Variants in ZNF462 observed in about 807,000 individuals in gnomAD.
The protein encoded by ZNF462 is zinc finger protein 462.
A neutral mutation model predicts 201.9 loss-of-function variants in ZNF462; 10 were observed. The ratio of observed to expected loss-of-function variants is 0.05; its 90% CI spans 0.03 to 0.08. ZNF462 has a LOEUF of 0.08. Among genes scored for constraint, ZNF462 ranks in the 10% least tolerant of loss-of-function variants. The pLI is 1.00. For missense variants in ZNF462, 2,523 were observed against 3,168.3 expected, an observed-to-expected ratio of 0.80 and a Z score of 4.89; for synonymous variants, 1,227 against 1,193.3, an observed-to-expected ratio of 1.03 and a Z score of -0.58.
Position 106,966,180 on chromosome 9 carries a change from T to C in ZNF462, c.6428-5825T>C, listed in dbSNP as rs574811964. Among the ~76,000 whole-genome samples, 44 of 152,110 alleles carry C rather than the reference T, an allele frequency of 2.9e-4. No homozygotes were observed. Among genetic ancestry groups the C allele is most frequent in the Non-Finnish European group, 5.4e-4 (37 of 67,992 alleles). On this transcript the variant is annotated intron_variant, in intron 7 of 12. Coordinates refer to ENST00000277225, the MANE Select transcript of ZNF462 (RefSeq NM_021224.6). This position sits in a 1 kb window ranked among gnomAD's most constrained non-coding sequence, Gnocchi z 4.4. ...TTACAATCCATGTATTATTTTGAAC[T>C]TCCTATGCTATTTTAGAACTTGGCG...
chr9:106,949,273 C>A (rs2131744121), intron 7 of ZNF462, among the ~76,000 whole-genome samples: 1 of 152,300 alleles, frequency 6.6e-6, no homozygotes, highest in East Asian at 1.9e-4. Context: ...ATTTCCTATT[C>A]ATTTCTAGAG....
chr9:106,862,425 G>A (rs1827096702), upstream of ZNF462, among the ~76,000 whole-genome samples: 1 of 152,106 alleles, frequency 6.6e-6, no homozygotes, highest in Non-Finnish European at 1.5e-5. The surrounding 1 kb of genome is among the most constrained non-coding windows in gnomAD (Gnocchi z 4.2). Flanking sequence ...AGGGCTGCCG[G>A]GCGCCACCGG....
chr9:106,973,806 TA>T (rs1826775931), intron 8 of ZNF462, among the ~76,000 whole-genome samples: 1 of 152,058 alleles, frequency 6.6e-6, no homozygotes, highest in Admixed American at 6.6e-5. Flanking sequence ...TGATGAAAAA[TA>T]GTTCCTTTTT....
In ZNF462 at chr9:106,945,835, CT is replaced by C. The variant is rs1436401803; in HGVS notation, c.6427+6729del. Among the ~76,000 whole-genome samples, 11 of 152,284 alleles carry C rather than the reference CT, an allele frequency of 7.2e-5. No homozygotes were observed. The East Asian group carries it at 2.1e-3, about 29-fold the overall frequency. On this transcript the variant is annotated intron_variant, in intron 7 of 12. Transcript: ENST00000277225. The stretch of plus-strand genomic sequence containing the variant: ...AAGACCCCGAATCTTCTGTTATTAC[CT>C]GGAAATCTACAGGGATTAAATGTTA...
upstream of ZNF462, among the ~76,000 whole-genome samples, chr9:106,861,494 A>G (rs938163510): frequency 1.3e-5 from 2 of 152,176 alleles, no homozygotes; most frequent in South Asian, 2.1e-4. Context: ...AACATCCCCA[A>G]TTCAGACGCG....
At position 106,933,646 on chromosome 9, in the gene ZNF462, AC is replaced by A. The variant is rs954792853; in HGVS notation, c.6116+1098del. On this transcript the variant is annotated intron_variant, in intron 5 of 12. Transcript: ENST00000277225. This position sits in a 1 kb window ranked among gnomAD's most constrained non-coding sequence, Gnocchi z 4.3. Reference sequence around the variant, plus strand: ...GGTTGGTTTATGAAATTAAAAAAAAACAAAACAAAACCCACTGACTCATCAA... The same window carrying A: ...GGTTGGTTTATGAAATTAAAAAAAAAAAAACAAAACCCACTGACTCATCAA... 2.6e-5 allele frequency among the ~76,000 whole-genome samples: 4 copies of A among 152,204 alleles called. No homozygotes were observed. The highest frequency in any genetic ancestry group is 9.6e-5 in the African/African-American group (4 of 41,464).
At chr9:106,904,017 G>A (rs1359200156) in intron 1 of ZNF462, among the ~76,000 whole-genome samples, 1 of 151,956 alleles carries the variant, frequency 6.6e-6, no homozygotes, top group African/African-American at 2.4e-5. Flanking sequence ...TTGTATTTTT[G>A]TTTTATAGGT....
intron 1 of ZNF462, among the ~76,000 whole-genome samples, chr9:106,879,329 T>TCCC (rs1321110689): frequency 5.2e-3 from 390 of 74,432 alleles, no homozygotes; most frequent in Middle Eastern, 7.9e-3. Flanking sequence ...AGAGATGCTT[T>TCCC]CCACCCCCCC....
intron 7 of ZNF462, among the ~76,000 whole-genome samples, chr9:106,951,708 C>G (rs995624800): frequency 2.0e-5 from 3 of 152,106 alleles, no homozygotes; most frequent in Non-Finnish European, 4.4e-5. Flanking sequence ...AGCAACGGAT[C>G]TGCAACATTT....
Position 106,865,281 on chromosome 9 carries a change from A to G in ZNF462, c.-31+1926A>G, listed in dbSNP as rs182110048. Among the ~76,000 whole-genome samples, 1 of 152,286 alleles carries G rather than the reference A, an allele frequency of 6.6e-6. No homozygotes were observed. The highest frequency in any genetic ancestry group is 6.5e-5 in the Admixed American group (1 of 15,298). On this transcript the variant is annotated intron_variant, in intron 1 of 12. Transcript: ENST00000277225. The surrounding 1 kb of genome is among the most constrained non-coding windows in gnomAD (Gnocchi z 4.1). ...AAAGGCAAGGCAAAAACCTTAAAAC[A>G]GTTCCACTGAGGTCTTCACACAACT...
rs146820386 is a variant in ZNF462 at position 106,993,108 on chromosome 9, A to G, written c.7056+8699A>G. ...TTTGTGTGGTGGGGAGAATCTACAG[A>G]ATAAACTATAAGACACGTAGAATGT... On this transcript the variant is annotated intron_variant, in intron 10 of 12. Transcript: ENST00000277225. The surrounding 1 kb of genome is among the most constrained non-coding windows in gnomAD (Gnocchi z 4.0). 4.6e-3 allele frequency among the ~76,000 whole-genome samples: 694 copies of G among 152,266 alleles called. 9 individuals carry two copies. Among genetic ancestry groups the G allele is most frequent in the African/African-American group, 0.016 (670 of 41,574 alleles).
rs1412726988 is a variant in ZNF462 at position 106,928,950 on chromosome 9, C to T, written c.5038C>T (p.Arg1680Cys). 2.5e-6 allele frequency: 4 copies of T among 1,614,100 alleles called. No individual in the cohort carries two copies. The highest frequency in any genetic ancestry group is 3.4e-6 in the Non-Finnish European group (4 of 1,180,034). Residue 1680 changes from arginine to cysteine, a missense_variant, in exon 3 of 13, where the codon CGC (arginine) becomes TGC (cysteine). Physicochemically the swap from Arg to Cys is radical, Grantham distance 180. Around this residue, in one of 15 missense-constraint regions of ZNF462, gnomAD observed 200 missense variants for 281.3 expected, o/e 0.71. Transcript: ENST00000277225. The surrounding 1 kb of genome is among the most constrained non-coding windows in gnomAD (Gnocchi z 9.3). ...STRKGIARHY[R>C]IKHNNVRAQP... ...GAGGAAGGGGATCGCCAGGCACTAC[C>T]GCATCAAGCACAATAATGTCCGAGC...
rs144418630 is a variant in ZNF462, at chr9:106,972,617, A to AG, written c.6695+346dup. Among the ~76,000 whole-genome samples the AG allele has an allele frequency of 6.3e-3, 954 of 152,300 alleles. 6 individuals carry two copies. Among genetic ancestry groups the AG allele is most frequent in the African/African-American group, 0.022 (910 of 41,550 alleles). ...TCCTTTTTTTAGCTTTGGAAAAAAA[A>AG]GTATGTTCTTGGAAGCAAAGTCAAA... On this transcript the variant is annotated intron_variant, in intron 8 of 12. Transcript: ENST00000277225. This position sits in a 1 kb window ranked among gnomAD's most constrained non-coding sequence, Gnocchi z 4.8.
Position 106,977,562 on chromosome 9 carries a change from CAT to C in ZNF462, c.6832+3290_6832+3291del, listed in dbSNP as rs1380479040. Among the ~76,000 whole-genome samples, 1 of 151,722 alleles carries C rather than the reference CAT, an allele frequency of 6.6e-6. No individual in the cohort carries two copies. The highest frequency in any genetic ancestry group is 1.5e-5 in the Non-Finnish European group (1 of 68,032). On this transcript the variant is annotated intron_variant, in intron 9 of 12. Transcript: ENST00000277225. This position sits in a 1 kb window ranked among gnomAD's most constrained non-coding sequence, Gnocchi z 4.6. Reference sequence around the variant, plus strand: ...AGCAAAAGAGAGTATGATGTTTACTCATGTGTTCAGCAAACATTCATTATTTG... The same window carrying C: ...AGCAAAAGAGAGTATGATGTTTACTCGTGTTCAGCAAACATTCATTATTTG...
chr9:106,975,704 C>T (rs1226767131), intron 9 of ZNF462: 1 of 152,210 alleles, frequency 6.6e-6, no homozygotes, highest in African/African-American at 2.4e-5. Flanking sequence ...GGGCCATCAG[C>T]AGGGCTGCTG....
intron 9 of ZNF462, among the ~76,000 whole-genome samples, chr9:106,983,666 T>C (rs1043780959): frequency 6.6e-6 from 1 of 152,236 alleles, no homozygotes; most frequent in African/African-American, 2.4e-5. Flanking sequence ...TGCCCATTTG[T>C]ACTTATTTGT....
chr9:106,976,787 T>C (rs1402094708), intron 9 of ZNF462: 1 of 152,234 alleles, frequency 6.6e-6, no homozygotes, highest in Non-Finnish European at 1.5e-5. Context: ...TGTCATTTTA[T>C]AGAATTCTCA....
intron 1 of ZNF462, among the ~76,000 whole-genome samples, chr9:106,866,379 A>T (rs1827330507): frequency 6.6e-6 from 1 of 152,206 alleles, no homozygotes; most frequent in African/African-American, 2.4e-5. Flanking sequence ...GCTGTATATG[A>T]CAACATCACA....
At chr9:106,991,839 T>TACACACACAC (rs200978759) in intron 10 of ZNF462, among the ~76,000 whole-genome samples, 39 of 136,350 alleles carry the variant, frequency 2.9e-4, no homozygotes, top group East Asian at 1.7e-3. Flanking sequence ...CAGCACTCTC[T>TACACACACAC]ACACACACAC....
Sources: gnomAD v4.1 joint callset for allele counts (sites outside exome capture counted in the v4.1 genomes callset) on GRCh38, gnomAD v4.1.1 for gene constraint, gnomAD v4.1.1 regional missense constraint, Gnocchi (gnomAD v3.1) non-coding constraint, MANE v1.5 for transcripts, NCBI Gene and HGNC (gene_info 2026-07-23, HGNC 2026-07-21) for gene names.